Variants in CEP112 observed in about 807,000 individuals in gnomAD.
The protein encoded by CEP112 is centrosomal protein of 112 kDa.
A neutral mutation model predicts 153.0 loss-of-function variants in CEP112; 127 were observed. The ratio of observed to expected loss-of-function variants is 0.83; its 90% confidence interval spans 0.72 to 0.96. The LOEUF is 0.96. CEP112 is among the 40% of genes least tolerant of loss of function. CEP112 has a pLI of 0.00. For synonymous variants in CEP112, 358 were observed against 374.4 expected (o/e 0.96, Z 0.51); for missense variants, 1,089 against 1,101.2 (o/e 0.99, Z 0.16).
chr17:66,132,644 C>A, intron 5 of CEP112, 26 bp downstream of exon 5: 1 of 1,539,960 alleles, frequency 6.5e-7, no homozygotes, highest in Non-Finnish European at 9.0e-7. Flanking sequence ...AAGCAAAAAC[C>A]AAACAAAAGT....
At chr17:65,907,021 G>C (rs1326903468) in intron 19 of CEP112, among the ~76,000 whole-genome samples, 1 of 152,162 alleles carries the variant, frequency 6.6e-6, no homozygotes, top group African/African-American at 2.4e-5. Context: ...ATTGGGAGAA[G>C]GGATGTGACT....
At chr17:65,938,476 C>T (rs2061420805) in intron 18 of CEP112, among the ~76,000 whole-genome samples, 1 of 148,306 alleles carries the variant, frequency 6.7e-6, no homozygotes, top group Non-Finnish European at 1.5e-5. Flanking sequence ...ACATGTATGA[C>T]AAGCCCACAG....
intron 6 of CEP112, among the ~76,000 whole-genome samples, chr17:66,120,083 T>C (rs1487228579): frequency 6.6e-6 from 1 of 152,236 alleles, no homozygotes; most frequent in African/African-American, 2.4e-5. Flanking sequence ...ACAACACAAA[T>C]TGGAAAGTGT....
intron 17 of CEP112, among the ~76,000 whole-genome samples, chr17:65,970,931 T>A (rs1175704910): frequency 8.3e-6 from 1 of 120,802 alleles, no homozygotes; most frequent in African/African-American, 2.8e-5. Flanking sequence ...ATGCAGTTAT[T>A]GCACCCATAT....
chr17:65,775,148 G>C (rs2053604659), intron 21 of CEP112, among the ~76,000 whole-genome samples: 1 of 152,022 alleles, frequency 6.6e-6, no homozygotes, highest in Non-Finnish European at 1.5e-5. Context: ...ACATAGGGGA[G>C]AGGAACCTGA....
intron 6 of CEP112, among the ~76,000 whole-genome samples, chr17:66,122,391 T>A (rs1459321800): frequency 1.3e-5 from 2 of 152,172 alleles, no homozygotes; most frequent in Non-Finnish European, 1.5e-5. Flanking sequence ...AATTGGACAT[T>A]TTAGGTAATA....
At chr17:65,651,686 TTTCCTTCC>T (rs149352419) in intron 24 of CEP112, among the ~76,000 whole-genome samples, 3 of 149,210 alleles carry the variant, frequency 2.0e-5, no homozygotes, top group Non-Finnish European at 4.4e-5. Flanking sequence ...TCCTTCCTTC[TTTCCTTCC>T]TTCCTTCCTT....
Position 66,154,377 on chromosome 17 carries a change from T to TG in CEP112, c.470+20666dup, listed in dbSNP as rs544661195. On this transcript the variant is annotated intron_variant, in intron 4 of 26. Transcript: ENST00000535342. ...TAAAAATACAAAAATTAGCTGGGTGTGGGGGGGGGAGCCTGTAATCTCAGC... is the reference window on the plus strand; with the variant it reads ...TAAAAATACAAAAATTAGCTGGGTGTGGGGGGGGGGAGCCTGTAATCTCAGC... Among the ~76,000 whole-genome samples the TG allele has an allele frequency of 1.7e-3, 253 of 149,098 alleles. 4 individuals are homozygous for TG. The South Asian group carries it at 0.018, about 11-fold the overall frequency.
chr17:65,972,833 T>C (rs1206563169), intron 17 of CEP112, among the ~76,000 whole-genome samples: 2 of 152,350 alleles, frequency 1.3e-5, no homozygotes, highest in African/African-American at 4.8e-5. Context: ...TGGTGTGATC[T>C]CAGCTCACTG....
At chr17:65,797,501 T>A (rs2055008171) in intron 21 of CEP112, among the ~76,000 whole-genome samples, 1 of 152,210 alleles carries the variant, frequency 6.6e-6, no homozygotes, top group African/African-American at 2.4e-5. Context: ...CTCACTAGCA[T>A]GTTTGTTTAT....
chr17:66,093,753 C>A (rs767572115), intron 8 of CEP112, among the ~76,000 whole-genome samples: 1 of 152,092 alleles, frequency 6.6e-6, no homozygotes, highest in Non-Finnish European at 1.5e-5. Flanking sequence ...TCCATGCTAT[C>A]CAAAGCAATC....
At chr17:65,915,201 T>C (rs1231358770) in intron 19 of CEP112, among the ~76,000 whole-genome samples, 1 of 152,202 alleles carries the variant, frequency 6.6e-6, no homozygotes, top group Non-Finnish European at 1.5e-5. Flanking sequence ...TCTCTACTCA[T>C]GTATCAGTGT....
At chr17:65,723,120 T>C (rs181669013) in intron 23 of CEP112, among the ~76,000 whole-genome samples, 8 of 152,326 alleles carry the variant, frequency 5.3e-5, no homozygotes, top group African/African-American at 1.7e-4. Flanking sequence ...GTGATGTTAA[T>C]GACACACTTG....
chr17:65,888,855 T>C (rs769092478), intron 20 of CEP112, among the ~76,000 whole-genome samples: 1 of 152,088 alleles, frequency 6.6e-6, no homozygotes, highest in Non-Finnish European at 1.5e-5. Context: ...AAGCTCCTTA[T>C]CTCCCATTAG....
chr17:65,977,972 G>A (rs944745307), intron 17 of CEP112, among the ~76,000 whole-genome samples: 4 of 152,216 alleles, frequency 2.6e-5, no homozygotes, highest in African/African-American at 7.2e-5. Flanking sequence ...CTACTCAGGG[G>A]GCTGAGGCAG....
intron 12 of CEP112, among the ~76,000 whole-genome samples, chr17:66,031,480 T>G (rs1345827196): frequency 2.5e-4 from 6 of 23,834 alleles, no homozygotes; most frequent in South Asian, 2.5e-3. Flanking sequence ...TTTGTTTTTT[T>G]TTTTTGTTTT....
At chr17:65,814,324 T>C (rs532672413) in intron 21 of CEP112, among the ~76,000 whole-genome samples, 5 of 152,324 alleles carry the variant, frequency 3.3e-5, no homozygotes, top group South Asian at 2.1e-4. Context: ...TATGCTCTCA[T>C]AGCTTTCTCT....
chr17:66,126,681 T>C (rs1332431925), intron 6 of CEP112, among the ~76,000 whole-genome samples: 1 of 152,104 alleles, frequency 6.6e-6, no homozygotes, highest in Non-Finnish European at 1.5e-5. Context: ...CTAGAAAAAA[T>C]ACTAACATAC....
At chr17:66,053,583 G>A (rs565242464) in intron 12 of CEP112, among the ~76,000 whole-genome samples, 153 bp downstream of exon 12, 1 of 152,272 alleles carries the variant, frequency 6.6e-6, no homozygotes, top group Admixed American at 6.5e-5. Context: ...TCTGTCCATG[G>A]CCACACATAA....
Sources: gnomAD v4.1 joint callset for allele counts (sites outside exome capture counted in the v4.1 genomes callset) on GRCh38, gnomAD v4.1.1 for gene constraint, MANE v1.5 for transcripts, NCBI Gene and HGNC (gene_info 2026-07-23, HGNC 2026-07-21) for gene names.